SLC2A14: variants seen among roughly 807,000 people sequenced by gnomAD.
SLC2A14 encodes the protein solute carrier family 2 member 14, also known as solute carrier family 2, facilitated glucose transporter member 14.
SLC2A14 carries 13 observed loss-of-function variants against 43.0 expected under a neutral mutation model. That is an observed-to-expected ratio of 0.30 (90% CI 0.20 to 0.48). The LOEUF is 0.48. Ranked by LOEUF, SLC2A14 falls within the 20% of genes least tolerant of loss-of-function variation. SLC2A14 has a pLI of 0.99. For missense variants in SLC2A14, 428 were observed against 620.4 expected, an observed-to-expected ratio of 0.69 and a Z score of 3.29; for synonymous variants, 190 against 233.8, an observed-to-expected ratio of 0.81 and a Z score of 1.71.
intron 1 of SLC2A14, among the ~76,000 whole-genome samples, chr12:7,882,652 C>T (rs117299394): frequency 0.013 from 1,952 of 152,260 alleles, 22 homozygotes; most frequent in Middle Eastern, 0.027. Flanking sequence ...GCCTGGTCAA[C>T]ATGGCTAAAC....
rs778050026 is a variant in SLC2A14, at chr12:7,831,835, G to A, written c.112-71C>T. The A allele has an allele frequency of 2.3e-5, 36 of 1,578,900 alleles. No homozygotes were observed. The African/African-American group carries it at 3.9e-4, about 17-fold the overall frequency. The stretch of plus-strand genomic sequence containing the variant: ...AACAAAAGATACAAATATGCTGGGT[G>A]CAGTGGCTCACGCCTGTAATCCCAG... On this transcript the variant is annotated intron_variant, in intron 3 of 10. Coordinates refer to ENST00000431042, the MANE Select transcript of SLC2A14 (RefSeq NM_001286234.2).
intron 7 of SLC2A14, among the ~76,000 whole-genome samples, chr12:7,827,060 T>C (rs1458115035): frequency 1.3e-4 from 13 of 96,638 alleles, no homozygotes; most frequent in Non-Finnish European, 2.4e-4. Context: ...TCTCTCTCTT[T>C]CTTTCTCTCT....
At chr12:7,876,867 T>C (rs781376467), upstream of SLC2A14, among the ~76,000 whole-genome samples, 5 of 152,204 alleles carry the variant, frequency 3.3e-5, no homozygotes, top group African/African-American at 1.2e-4. Context: ...AATATACGTA[T>C]TTGACTGTTC....
chr12:7,838,510 C>A (rs1865651957), intron 2 of SLC2A14, among the ~76,000 whole-genome samples: 1 of 152,176 alleles, frequency 6.6e-6, no homozygotes, highest in African/African-American at 2.4e-5. Flanking sequence ...CTAGCCTATG[C>A]CTGTCCCACA....
intron 1 of SLC2A14, among the ~76,000 whole-genome samples, chr12:7,881,964 G>A (rs937586559): frequency 8.6e-5 from 13 of 152,010 alleles, no homozygotes; most frequent in African/African-American, 2.4e-4. Context: ...ACCAATCAGC[G>A]CCCTGTCAAA....
chr12:7,825,367 G>A (rs1039246726), intron 7 of SLC2A14, among the ~76,000 whole-genome samples: 1 of 150,334 alleles, frequency 6.7e-6, no homozygotes, highest in Non-Finnish European at 1.5e-5. Context: ...GGCTGAGGCA[G>A]GAGAATCACT....
chr12:7,861,071 C>T (rs1411061494), intron 2 of SLC2A14, among the ~76,000 whole-genome samples: 3 of 152,054 alleles, frequency 2.0e-5, no homozygotes, highest in Admixed American at 6.6e-5. Flanking sequence ...GGATTACAGG[C>T]GTGAGCCACC....
At chr12:7,831,210 T>C (rs1864993075) in intron 4 of SLC2A14, 1 of 161,776 alleles carries the variant, frequency 6.2e-6, no homozygotes. Context: ...CTACCAATCC[T>C]GTGTAGAGGT....
chr12:7,829,973 A>T lies in SLC2A14; in HGVS notation c.306T>A (p.Ala102=). The part of the protein sequence containing the change: ...RNSMLIVNLL[A]ATGGCLMGLC... Reference sequence around the variant, plus strand: ...GTCCCATAAGGCAGCCACCAGTGGCAGCCAACAGGTTGACAATCAGCATTG... The same window carrying T: ...GTCCCATAAGGCAGCCACCAGTGGCTGCCAACAGGTTGACAATCAGCATTG... Residue 102 remains alanine, a synonymous_variant, in exon 5 of 11, where the codon GCT becomes GCA. Coordinates refer to ENST00000431042, the MANE Select transcript of SLC2A14 (RefSeq NM_001286234.2). The T allele has an allele frequency of 6.2e-7, 1 of 1,614,202 alleles. No homozygotes were observed. Among genetic ancestry groups the T allele is most frequent in the Non-Finnish European group, 8.5e-7 (1 of 1,180,012 alleles).
intron 2 of SLC2A14, among the ~76,000 whole-genome samples, chr12:7,864,833 T>A (rs922648733): frequency 6.6e-6 from 1 of 152,016 alleles, no homozygotes; most frequent in African/African-American, 2.4e-5. Flanking sequence ...GCCTCCATAC[T>A]CTTAGGGTAT....
chr12:7,882,099 C>T (rs1047246348), intron 1 of SLC2A14, among the ~76,000 whole-genome samples: 2 of 152,046 alleles, frequency 1.3e-5, no homozygotes, highest in African/African-American at 2.4e-5. Context: ...AGGCTTTGTT[C>T]TTTTTTTCTT....
intron 2 of SLC2A14, among the ~76,000 whole-genome samples, chr12:7,857,580 C>T (rs1944323121): frequency 6.6e-6 from 1 of 151,926 alleles, no homozygotes; most frequent in Non-Finnish European, 1.5e-5. Flanking sequence ...AAGAGTGAAA[C>T]TCCATCTCAA....
At chr12:7,847,098 CA>C (rs1202022527) in intron 2 of SLC2A14, among the ~76,000 whole-genome samples, 1 of 151,604 alleles carries the variant, frequency 6.6e-6, no homozygotes, top group African/African-American at 2.4e-5. Context: ...ACTAAAAATA[CA>C]AAATTAACCA....
At chr12:7,821,165 A>C in intron 8 of SLC2A14, 56 bp downstream of exon 8, 1 of 1,322,640 alleles carries the variant, frequency 7.6e-7, no homozygotes. Context: ...CCATCTTTGA[A>C]CATCTGTAGC....
chr12:7,846,307 G>T (rs927519650), intron 2 of SLC2A14, among the ~76,000 whole-genome samples: 4 of 151,436 alleles, frequency 2.6e-5, no homozygotes, highest in African/African-American at 9.7e-5. Context: ...CAGATATTTG[G>T]ATATTTATAT....
chr12:7,877,735 T>G (rs1335243943), upstream of SLC2A14, among the ~76,000 whole-genome samples: 1 of 151,942 alleles, frequency 6.6e-6, no homozygotes. Flanking sequence ...AAAAAATTGT[T>G]TTACATTTTT....
chr12:7,833,318 C>T (rs1865187144), intron 2 of SLC2A14, among the ~76,000 whole-genome samples: 1 of 152,148 alleles, frequency 6.6e-6, no homozygotes, highest in African/African-American at 2.4e-5. Context: ...CTCTTTGAGT[C>T]TCTTATCTCT....
At chr12:7,834,985 T>C in intron 2 of SLC2A14, among the ~76,000 whole-genome samples, 1 of 151,880 alleles carries the variant, frequency 6.6e-6, no homozygotes, top group Non-Finnish European at 1.5e-5. Context: ...CAGTCACAGC[T>C]CTGGTGATGA....
intron 1 of SLC2A14, among the ~76,000 whole-genome samples, chr12:7,881,494 T>TC (rs1945572044): frequency 6.6e-6 from 1 of 152,060 alleles, no homozygotes; most frequent in African/African-American, 2.4e-5. Flanking sequence ...ACTCGATTTC[T>TC]CCCCAGGCCT....
Sources: gnomAD v4.1 joint callset for allele counts (sites outside exome capture counted in the v4.1 genomes callset) on GRCh38, gnomAD v4.1.1 for gene constraint, MANE v1.5 for transcripts, NCBI Gene and HGNC (gene_info 2026-07-23, HGNC 2026-07-21) for gene names.